Variants in ZNF676 observed in about 807,000 individuals in gnomAD.
ZNF676 encodes the protein zinc finger protein 676.
ZNF676 carries 4 observed loss-of-function variants against 6.0 expected under a neutral mutation model. The ratio of observed to expected loss-of-function variants is 0.67; its 90% CI spans 0.33 to 1.53. ZNF676 has a LOEUF of 1.53. Among genes scored for constraint, ZNF676 ranks in the 40% most tolerant of loss-of-function variants. The pLI is 0.06. For synonymous variants in ZNF676, 198 were observed against 223.1 expected (o/e 0.89, Z 1.00); for missense variants, 644 against 679.7 (o/e 0.95, Z 0.58).
chr19:22,230,994 T>C, the ZNF676 span, among the ~76,000 whole-genome samples: 18 of 152,026 alleles, frequency 1.2e-4, no homozygotes, highest in African/African-American at 3.1e-4. Flanking sequence ...TGGATAGATA[T>C]TCACATACAA....
chr19:22,182,714 A>G (rs2145785443), intron 2 of ZNF676, among the ~76,000 whole-genome samples: 1 of 151,542 alleles, frequency 6.6e-6, no homozygotes, highest in African/African-American at 2.4e-5. Context: ...CTTAAAAAGT[A>G]TATTTTGCAC....
intron 1 of ZNF676, chr19:22,203,982 C>CT (rs1358900835): frequency 6.6e-6 from 1 of 152,168 alleles, no homozygotes; most frequent in African/African-American, 2.4e-5. Flanking sequence ...TGGAATATAT[C>CT]TGACAACTTC....
In ZNF676 at chr19:22,181,114, T is replaced by C. The variant is rs749241989; in HGVS notation, c.603A>G (p.Glu201=). 103 of 1,613,708 alleles carry C rather than the reference T, an allele frequency of 6.4e-5. No individual in the cohort carries two copies. Among genetic ancestry groups the C allele is most frequent in the Non-Finnish European group, 8.5e-5 (100 of 1,179,956 alleles). Residue 201 remains glutamate (E), a synonymous_variant, in exon 3 of 3, where the codon GAA becomes GAG. Transcript: ENST00000397121. ...AGAACTTACTAAAGGCTTTGCCACATTCTTCACATTTGTAGGGTTTCTCTC... is the reference window on the plus strand; with the variant it reads ...AGAACTTACTAAAGGCTTTGCCACACTCTTCACATTTGTAGGGTTTCTCTC... The part of the protein sequence containing the change: ...HTGEKPYKCE[E]CGKAFSKFSI...
intron 1 of ZNF676, among the ~76,000 whole-genome samples, chr19:22,209,327 TA>T (rs879800907): frequency 0.025 from 3,473 of 137,714 alleles, 88 homozygotes; most frequent in African/African-American, 0.073. Flanking sequence ...GTGTGGCCAT[TA>T]AAAAAAAAAA....
chr19:22,259,238 G>A, the ZNF676 span, among the ~76,000 whole-genome samples: 3 of 152,134 alleles, frequency 2.0e-5, no homozygotes, highest in Non-Finnish European at 4.4e-5. Context: ...GAAGTGTTTA[G>A]AGATATGTCA....
intron 2 of ZNF676, among the ~76,000 whole-genome samples, chr19:22,182,351 G>A (rs1289957859): frequency 6.6e-6 from 1 of 151,814 alleles, no homozygotes; most frequent in African/African-American, 2.4e-5. Context: ...AAAGATTACA[G>A]TCTATACAAA....
At chr19:22,213,033 A>G (rs577783738) in intron 1 of ZNF676, among the ~76,000 whole-genome samples, 1 of 152,234 alleles carries the variant, frequency 6.6e-6, no homozygotes, top group South Asian at 2.1e-4. Flanking sequence ...GGTCAAAATA[A>G]GTGAACAAAT....
the ZNF676 span, among the ~76,000 whole-genome samples, chr19:22,247,990 T>G: frequency 1.4e-5 from 2 of 145,684 alleles, 1 homozygote; most frequent in South Asian, 4.6e-4. Flanking sequence ...AGTGAGAACA[T>G]GCGGTGCTTG....
At chr19:22,233,138 T>G in the ZNF676 span, among the ~76,000 whole-genome samples, 7 of 152,016 alleles carry the variant, frequency 4.6e-5, no homozygotes, top group South Asian at 2.1e-4. Flanking sequence ...AACATATATA[T>G]TCATATGAAG....
At chr19:22,195,014 A>T (rs1241886774) in intron 1 of ZNF676, among the ~76,000 whole-genome samples, 1 of 152,182 alleles carries the variant, frequency 6.6e-6, no homozygotes, top group Non-Finnish European at 1.5e-5. Flanking sequence ...CATCACTGTA[A>T]TCCCAGGAGT....
chr19:22,235,638 G>A, the ZNF676 span, among the ~76,000 whole-genome samples: 1 of 152,128 alleles, frequency 6.6e-6, no homozygotes, highest in Non-Finnish European at 1.5e-5. Flanking sequence ...GAATAAGTCT[G>A]GTGTGTTTGC....
At chr19:22,247,418 G>C in the ZNF676 span, among the ~76,000 whole-genome samples, 1 of 151,984 alleles carries the variant, frequency 6.6e-6, no homozygotes, top group African/African-American at 2.4e-5. Flanking sequence ...ACAAAAACTA[G>C]CTGGGCGTGT....
chr19:22,220,019 A>G (rs2024231849), upstream of ZNF676, among the ~76,000 whole-genome samples: 1 of 152,172 alleles, frequency 6.6e-6, no homozygotes, highest in Non-Finnish European at 1.5e-5. Flanking sequence ...TGAGGATTTT[A>G]ATCATAAAGT....
At chr19:22,195,734 C>T (rs2023960218) in intron 1 of ZNF676, among the ~76,000 whole-genome samples, 1 of 152,182 alleles carries the variant, frequency 6.6e-6, no homozygotes, top group Non-Finnish European at 1.5e-5. Context: ...AAATCACACT[C>T]ATATATGTGT....
intron 1 of ZNF676, among the ~76,000 whole-genome samples, chr19:22,202,117 A>G (rs1224672720): frequency 6.6e-6 from 1 of 152,070 alleles, no homozygotes; most frequent in Non-Finnish European, 1.5e-5. Context: ...TGGGTAAAGT[A>G]GCAGCAGGTG....
intron 1 of ZNF676, among the ~76,000 whole-genome samples, chr19:22,207,952 T>C (rs2024092183): frequency 7.3e-6 from 1 of 137,082 alleles, no homozygotes; most frequent in East Asian, 2.1e-4. Context: ...TCAAGGTAAA[T>C]GAAAGACTTA....
chr19:22,187,929 A>G (rs916539620), intron 2 of ZNF676, among the ~76,000 whole-genome samples: 2 of 151,986 alleles, frequency 1.3e-5, no homozygotes, highest in Non-Finnish European at 2.9e-5. Context: ...CAGCCTTTGT[A>G]CCAGAGGTAC....
At chr19:22,213,022 A>G (rs2024146203) in intron 1 of ZNF676, among the ~76,000 whole-genome samples, 1 of 152,252 alleles carries the variant, frequency 6.6e-6, no homozygotes, top group East Asian at 1.9e-4. Context: ...AAAAAAACTA[A>G]GGTCAAAATA....
At chr19:22,237,063 T>G in the ZNF676 span, among the ~76,000 whole-genome samples, 10 of 152,310 alleles carry the variant, frequency 6.6e-5, no homozygotes, top group African/African-American at 2.4e-4. Flanking sequence ...CTTTCACAAA[T>G]CTATTTTGAA....
Sources: gnomAD v4.1 joint callset for allele counts (sites outside exome capture counted in the v4.1 genomes callset) on GRCh38, gnomAD v4.1.1 for gene constraint, MANE v1.5 for transcripts, NCBI Gene and HGNC (gene_info 2026-07-23, HGNC 2026-07-21) for gene names.